Variants in ROBO1 observed in about 807,000 individuals in gnomAD.
The protein encoded by ROBO1 is roundabout homolog 1.
A neutral mutation model predicts 195.9 loss-of-function variants in ROBO1; 149 were observed. The ratio of observed to expected loss-of-function variants is 0.76; its 90% CI spans 0.67 to 0.87. The LOEUF is 0.87. ROBO1 is among the 40% of genes least tolerant of loss of function. ROBO1 has a pLI of 0.00. For synonymous variants in ROBO1, 816 were observed against 733.2 expected (o/e 1.11, Z -1.82); for missense variants, 1,933 against 2,068.3 (o/e 0.93, Z 1.27).
intron 3 of ROBO1, among the ~76,000 whole-genome samples, chr3:79,107,127 T>TCTCTCCCCCCCCCCC (rs1370578718): frequency 7.3e-6 from 1 of 136,388 alleles, no homozygotes; most frequent in African/African-American, 2.7e-5. Context: ...TCTCTCTCTC[T>TCTCTCCCCCCCCCCC]CACACACACA....
intron 4 of ROBO1, among the ~76,000 whole-genome samples, chr3:78,765,237 T>C (rs934114335): frequency 2.6e-4 from 39 of 152,246 alleles, no homozygotes; most frequent in African/African-American, 9.1e-4. Flanking sequence ...CAGGTGACTC[T>C]TTTATTTGGA....
chr3:79,350,409 G>C (rs2035296062), intron 2 of ROBO1, among the ~76,000 whole-genome samples: 1 of 152,178 alleles, frequency 6.6e-6, no homozygotes, highest in Non-Finnish European at 1.5e-5. Context: ...GCTTAACATA[G>C]TGTTATCATT....
At chr3:79,462,712 T>C (rs2107270210) in intron 2 of ROBO1, among the ~76,000 whole-genome samples, 2 of 152,146 alleles carry the variant, frequency 1.3e-5, no homozygotes, top group Admixed American at 1.3e-4. Flanking sequence ...TGAAGTTTGC[T>C]GGCAGTGTGA....
At chr3:79,182,570 T>TGTGTGTGTGTGTGC (rs779706587) in intron 2 of ROBO1, among the ~76,000 whole-genome samples, 26 of 150,030 alleles carry the variant, frequency 1.7e-4, no homozygotes, top group African/African-American at 6.0e-4. Context: ...TGTGTGTGTG[T>TGTGTGTGTGTGTGC]GCGTGCGTGC....
rs568049730 is a variant in ROBO1 at position 78,946,400 on chromosome 3, C to G, written c.173-7473G>C. Among the ~76,000 whole-genome samples the G allele has an allele frequency of 1.4e-4, 21 of 152,230 alleles. 1 individual carries two copies. The highest frequency in any genetic ancestry group is 6.2e-4 in the South Asian group (3 of 4,822). On this transcript the variant is annotated intron_variant, in intron 3 of 30. Coordinates refer to ENST00000464233, the MANE Select transcript of ROBO1 (RefSeq NM_002941.4). ...CTTAAAGAAAAGAATTTTCAACCCA[C>G]AATTTCATATCCAGCCAAACTAAGC...
intron 17 of ROBO1, among the ~76,000 whole-genome samples, chr3:78,659,229 C>T (rs1357002682): frequency 1.3e-5 from 2 of 152,146 alleles, no homozygotes; most frequent in African/African-American, 4.8e-5. Flanking sequence ...TATCTTAAAA[C>T]ATCCACAGTG....
chr3:79,420,327 C>T (rs557480672), intron 2 of ROBO1, among the ~76,000 whole-genome samples: 2 of 152,226 alleles, frequency 1.3e-5, no homozygotes, highest in African/African-American at 4.8e-5. Flanking sequence ...ACTAGAGAAT[C>T]TTGCATCCAT....
Position 78,995,722 on chromosome 3 carries a change from T to C in ROBO1, c.173-56795A>G, listed in dbSNP as rs189099968. 8.8e-4 allele frequency among the ~76,000 whole-genome samples: 131 copies of C among 148,814 alleles called. 2 individuals carry two copies. Among genetic ancestry groups the C allele is most frequent in the Admixed American group, 8.2e-3 (121 of 14,784 alleles). ...TCGAGGCTACAGTGAACTATGATGG[T>C]GCCACTATACTCTAGCCAGGGCAAC... On this transcript the variant is annotated intron_variant, in intron 3 of 30. Coordinates refer to ENST00000464233, the MANE Select transcript of ROBO1 (RefSeq NM_002941.4).
chr3:78,606,521 C>A (rs1222186978), intron 29 of ROBO1, among the ~76,000 whole-genome samples: 1 of 152,148 alleles, frequency 6.6e-6, no homozygotes, highest in Non-Finnish European at 1.5e-5. Context: ...CCTTTAAAAT[C>A]TAACTCAGTT....
At chr3:79,735,592 C>T (rs564780567) in intron 1 of ROBO1, among the ~76,000 whole-genome samples, 1 of 152,248 alleles carries the variant, frequency 6.6e-6, no homozygotes, top group Non-Finnish European at 1.5e-5. Flanking sequence ...TGACACTGGC[C>T]GGGCGCGGTG....
chr3:79,680,839 G>A (rs1315098094), intron 1 of ROBO1, among the ~76,000 whole-genome samples: 1 of 151,952 alleles, frequency 6.6e-6, no homozygotes, highest in Non-Finnish European at 1.5e-5. Context: ...GAATCTCTAG[G>A]AGGTGGGGGG....
chr3:78,675,864 C>G (rs985230037), intron 10 of ROBO1, among the ~76,000 whole-genome samples: 10 of 152,148 alleles, frequency 6.6e-5, no homozygotes, highest in South Asian at 2.1e-4. Context: ...AAAGGGCAGA[C>G]TGCCTCCTCA....
At chr3:79,250,766 G>T (rs906808771) in intron 2 of ROBO1, among the ~76,000 whole-genome samples, 5 of 152,188 alleles carry the variant, frequency 3.3e-5, no homozygotes, top group African/African-American at 1.2e-4. Context: ...TATTAAAAAT[G>T]AAATGAGGGC....
chr3:79,747,247 A>G (rs1162046346), intron 1 of ROBO1, among the ~76,000 whole-genome samples: 1 of 151,990 alleles, frequency 6.6e-6, no homozygotes, highest in East Asian at 1.9e-4. Context: ...GTTTTCATTT[A>G]TTTTGAAAAT....
intron 4 of ROBO1, among the ~76,000 whole-genome samples, chr3:78,881,625 A>ATTC (rs1403871056): frequency 6.6e-6 from 1 of 152,142 alleles, no homozygotes; most frequent in Non-Finnish European, 1.5e-5. Context: ...TATTTTTCAT[A>ATTC]TTCTTCTCTT....
chr3:79,681,862 C>T (rs1377595416), intron 1 of ROBO1, among the ~76,000 whole-genome samples: 2 of 151,874 alleles, frequency 1.3e-5, no homozygotes, highest in Admixed American at 6.6e-5. Context: ...AGAAACAGTA[C>T]GTAATATTAG....
At chr3:78,609,524 G>T (rs1284777007) in intron 28 of ROBO1, among the ~76,000 whole-genome samples, 1 of 152,156 alleles carries the variant, frequency 6.6e-6, no homozygotes, top group African/African-American at 2.4e-5. Flanking sequence ...TTACCAACAT[G>T]AATGGATTGC....
At chr3:78,926,431 A>G (rs895068157) in intron 4 of ROBO1, among the ~76,000 whole-genome samples, 4 of 152,194 alleles carry the variant, frequency 2.6e-5, no homozygotes, top group African/African-American at 9.7e-5. Flanking sequence ...TGTTCAGGAG[A>G]AAACATCAGC....
chr3:79,522,374 C>A (rs1051825351), intron 2 of ROBO1, among the ~76,000 whole-genome samples: 17 of 149,530 alleles, frequency 1.1e-4, no homozygotes, highest in Admixed American at 8.0e-4. Context: ...TCTGTTCCTG[C>A]AACTGGCAAG....
Sources: gnomAD v4.1 joint callset for allele counts (sites outside exome capture counted in the v4.1 genomes callset) on GRCh38, gnomAD v4.1.1 for gene constraint, MANE v1.5 for transcripts, NCBI Gene and HGNC (gene_info 2026-07-23, HGNC 2026-07-21) for gene names.